PBX3: variants seen among roughly 807,000 people sequenced by gnomAD.
The protein encoded by PBX3 is pre-B-cell leukemia transcription factor 3.
A neutral mutation model predicts 48.5 loss-of-function variants in PBX3; 14 were observed. That is an observed-to-expected ratio of 0.29 (90% CI 0.19 to 0.45). PBX3 has a LOEUF of 0.45. PBX3 is among the 20% of genes least tolerant of loss of function. The pLI is 1.00. For missense variants in PBX3, 386 were observed against 546.7 expected, an observed-to-expected ratio of 0.71 and a Z score of 2.93; for synonymous variants, 210 against 200.3, an observed-to-expected ratio of 1.05 and a Z score of -0.41.
intron 2 of PBX3, among the ~76,000 whole-genome samples, chr9:125,793,715 C>T (rs1837691590): frequency 1.3e-5 from 2 of 152,072 alleles, no homozygotes; most frequent in African/African-American, 4.8e-5. Flanking sequence ...CAGGCACGAG[C>T]CACTGTGCCC....
intron 2 of PBX3, among the ~76,000 whole-genome samples, chr9:125,877,733 C>T (rs563600744): frequency 1.3e-5 from 2 of 152,266 alleles, no homozygotes; most frequent in East Asian, 3.9e-4. Flanking sequence ...ACTTCTGGCC[C>T]TTGTTACTTT....
In PBX3 at chr9:125,748,532, T is replaced by A. The variant is rs1836273506; in HGVS notation, c.201-18T>A. 5 of 1,612,944 alleles carry A rather than the reference T, an allele frequency of 3.1e-6. No homozygotes were observed. The highest frequency in any genetic ancestry group is 3.4e-6 in the Non-Finnish European group (4 of 1,179,234). On this transcript the variant is annotated intron_variant, in intron 1 of 8. Coordinates refer to ENST00000373489, the MANE Select transcript of PBX3 (RefSeq NM_006195.6). ...TAGGTGATGCTAATACCTTTGTGTT[T>A]CGTTATTTGTTTTTTAGGAAACATG...
At chr9:125,813,122 T>A (rs1451022087) in intron 2 of PBX3, among the ~76,000 whole-genome samples, 8 of 152,238 alleles carry the variant, frequency 5.3e-5, no homozygotes, top group Non-Finnish European at 1.2e-4. Context: ...ATATAAACTT[T>A]AATTTTTAAC....
At position 125,774,498 on chromosome 9, in the gene PBX3, A is replaced by G. The variant is rs79674414; in HGVS notation, c.274+25875A>G. On this transcript the variant is annotated intron_variant, in intron 2 of 8. Coordinates refer to ENST00000373489, the MANE Select transcript of PBX3 (RefSeq NM_006195.6). ...ATATTTTATATAAATGGGATCATAC[A>G]GTATTTGGTTCTTTGTGACTGGCAT... Among the ~76,000 whole-genome samples the G allele has an allele frequency of 5.8e-3, 888 of 152,250 alleles. 5 individuals are homozygous for G. Among genetic ancestry groups the G allele is most frequent in the African/African-American group, 0.02 (829 of 41,528 alleles).
chr9:125,751,283 G>A (rs911175496), intron 2 of PBX3, among the ~76,000 whole-genome samples: 1 of 152,062 alleles, frequency 6.6e-6, no homozygotes, highest in Admixed American at 6.6e-5. Flanking sequence ...CATTTCAGTT[G>A]TGCTTTTCTT....
At chr9:125,876,754 T>C (rs1349867908) in intron 2 of PBX3, among the ~76,000 whole-genome samples, 1 of 151,972 alleles carries the variant, frequency 6.6e-6, no homozygotes, top group Non-Finnish European at 1.5e-5. Flanking sequence ...TGTATTTAAA[T>C]CTTGTGTTGT....
intron 2 of PBX3, among the ~76,000 whole-genome samples, chr9:125,780,090 G>T (rs1164211752): frequency 7.5e-6 from 1 of 133,788 alleles, no homozygotes; most frequent in African/African-American, 2.8e-5. Flanking sequence ...CCTCCCGGAC[G>T]GGGCGGCTGG....
intron 2 of PBX3, among the ~76,000 whole-genome samples, chr9:125,800,490 C>A (rs1376874240): frequency 1.3e-5 from 2 of 152,052 alleles, no homozygotes; most frequent in African/African-American, 4.8e-5. Context: ...AAGAGTTTTT[C>A]TATTATTATA....
chr9:125,781,033 AGACTGGG>A (rs1837290490), intron 2 of PBX3, among the ~76,000 whole-genome samples: 1 of 120,852 alleles, frequency 8.3e-6, no homozygotes, highest in Admixed American at 8.8e-5. Flanking sequence ...CTCACTTTCC[AGACTGGG>A]CAGCCAGGCA....
intron 5 of PBX3, among the ~76,000 whole-genome samples, chr9:125,941,119 T>A (rs1363822761): frequency 6.6e-6 from 1 of 152,116 alleles, no homozygotes; most frequent in African/African-American, 2.4e-5. Context: ...AGGATGCAAT[T>A]TTTAATAGGG....
At chr9:125,913,619 C>T (rs1046675818) in intron 2 of PBX3, among the ~76,000 whole-genome samples, 45 of 151,968 alleles carry the variant, frequency 3.0e-4, no homozygotes, top group Admixed American at 1.3e-4. Context: ...TCTTGTTTGC[C>T]GTACATGTGC....
chr9:125,780,743 T>G (rs1186683865), intron 2 of PBX3, among the ~76,000 whole-genome samples: 2,594 of 93,592 alleles, frequency 0.028, 194 homozygotes, highest in African/African-American at 0.1. Flanking sequence ...CCCACCTCCC[T>G]CCCGGACAGG....
Position 125,747,414 on chromosome 9 carries a change from T to TCGCCTCAGCCGC in PBX3, c.-35_-24dup. On this transcript the variant is annotated 5_prime_UTR_variant, in exon 1 of 9. Transcript: ENST00000373489. ...GCCGCCGCCGCCGCCGCCTCAGCCT[T>TCGCCTCAGCCGC]CGCCTCAGCCGCCGCCCGCTCCCGC... 1 of 1,238,576 alleles carries TCGCCTCAGCCGC rather than the reference T, an allele frequency of 8.1e-7. No individual in the cohort carries two copies. Among genetic ancestry groups the TCGCCTCAGCCGC allele is most frequent in the African/African-American group, 1.7e-5 (1 of 58,196 alleles). 76.7% of individuals were successfully genotyped at this position (1,238,576 alleles called of 1,614,324 possible).
chr9:125,854,390 C>T (rs1839666223), intron 2 of PBX3, among the ~76,000 whole-genome samples: 1 of 152,076 alleles, frequency 6.6e-6, no homozygotes, highest in Non-Finnish European at 1.5e-5. Flanking sequence ...CTGCCTCTGC[C>T]TCTCGAATTG....
intron 2 of PBX3, among the ~76,000 whole-genome samples, chr9:125,793,733 G>A (rs1408104252): frequency 3.3e-5 from 5 of 152,112 alleles, no homozygotes; most frequent in Non-Finnish European, 7.3e-5. Context: ...CCCTGTCAAA[G>A]TTGATAAGTT....
chr9:125,778,229 T>A (rs1024287276), intron 2 of PBX3, among the ~76,000 whole-genome samples: 2 of 151,928 alleles, frequency 1.3e-5, no homozygotes, highest in African/African-American at 2.4e-5. Context: ...CCCCAAGTGC[T>A]TGGATTACAG....
At chr9:125,789,324 G>T (rs561965789) in intron 2 of PBX3, among the ~76,000 whole-genome samples, 3 of 152,316 alleles carry the variant, frequency 2.0e-5, no homozygotes, top group Admixed American at 1.3e-4. Flanking sequence ...ACATAGTTTA[G>T]CAGGGTGCCA....
chr9:125,913,896 A>C (rs1841263551), intron 2 of PBX3, among the ~76,000 whole-genome samples: 1 of 152,208 alleles, frequency 6.6e-6, no homozygotes, highest in African/African-American at 2.4e-5. Context: ...ATAAAAAATT[A>C]AACAATTCAA....
In PBX3 at chr9:125,747,516, G is replaced by A; in HGVS notation, c.63G>A (p.Val21=). 4.4e-6 allele frequency: 7 copies of A among 1,599,666 alleles called. No individual in the cohort carries two copies. Among genetic ancestry groups the A allele is most frequent in the Non-Finnish European group, 5.1e-6 (6 of 1,173,802 alleles). The change falls in exon 1 of 9, where the codon GTG becomes GTA. Residue 21 remains valine (V), a synonymous_variant. Transcript: ENST00000373489. ...GGGTGAACCTGGCTGGCCACTCGGT[G>A]CAGGGGGGCATGGCCCTGCCGCCTC... The part of the protein sequence containing the change: ...LAGVNLAGHS[V]QGGMALPPPP...
Sources: allele counts gnomAD v4.1 joint callset (sites outside exome capture counted in the v4.1 genomes callset), GRCh38; gene constraint gnomAD v4.1.1; transcripts MANE v1.5; gene names NCBI Gene and HGNC (gene_info 2026-07-23, HGNC 2026-07-21).